The following DCPS variants were observed in gnomAD, a reference collection of about 807,000 sequenced individuals.
DCPS encodes the protein m7GpppX diphosphatase.
Under a neutral mutation model 34.7 loss-of-function variants are expected in DCPS, and 27 were observed. The ratio of observed to expected loss-of-function variants is 0.78; its 90% CI spans 0.57 to 1.07. The LOEUF is 1.07. DCPS is among the 50% of genes least tolerant of loss of function. The pLI, the probability that DCPS is intolerant of heterozygous loss-of-function variation, is 0.00. For missense variants in DCPS, 464 were observed against 436.9 expected (o/e 1.06, Z -0.55); for synonymous variants, 185 against 185.7 (o/e 1.00, Z 0.03).
chr11:126,305,413 CTTTTTTTTTTT>C (rs1165260410), intron 1 of DCPS, among the ~76,000 whole-genome samples: 6 of 68,296 alleles, frequency 8.8e-5, no homozygotes, highest in Admixed American at 3.5e-4. Context: ...CCGCACCCGC[CTTTTTTTTTTT>C]TTTTTTTTTT....
rs149165703 is a variant in DCPS, at chr11:126,312,262, C to T, written c.376+5518C>T. Among the ~76,000 whole-genome samples the T allele has an allele frequency of 1.2e-4, 19 of 152,254 alleles. 1 individual carries two copies. In the East Asian group the frequency reaches 3.7e-3, roughly 29 times the overall value. On this transcript the variant is annotated intron_variant, in intron 2 of 5. Coordinates refer to ENST00000263579, the MANE Select transcript of DCPS (RefSeq NM_014026.6). The surrounding 1 kb of genome is among the most constrained non-coding windows in gnomAD (Gnocchi z 5.1). The stretch of plus-strand genomic sequence containing the variant: ...GAAACTTTAAACAATGCTTACCCAT[C>T]CGCTATGGCATACTCTGTAGTATTT...
chr11:126,305,413 CT>C (rs1165260410), intron 1 of DCPS, among the ~76,000 whole-genome samples: 5,916 of 68,186 alleles, frequency 0.087, 48 homozygotes, highest in Non-Finnish European at 0.096. Flanking sequence ...CCGCACCCGC[CT>C]TTTTTTTTTT....
At chr11:126,326,878 A>G (rs927017849) in intron 2 of DCPS, among the ~76,000 whole-genome samples, 1 of 151,790 alleles carries the variant, frequency 6.6e-6, no homozygotes, top group Non-Finnish European at 1.5e-5. Context: ...AGCCGAGATC[A>G]CGCCACTGCA....
rs1482956249 is a variant in DCPS, at chr11:126,329,107, A to G, written c.377-2298A>G. The stretch of plus-strand genomic sequence containing the variant: ...TGCAAGGGCCAAGGTGGTGCCGTTC[A>G]GTCTACTTCAAGCAGTCTCCCGCCT... On this transcript the variant is annotated intron_variant, in intron 2 of 5. Coordinates refer to ENST00000263579, the MANE Select transcript of DCPS (RefSeq NM_014026.6). The surrounding 1 kb of genome is among the most constrained non-coding windows in gnomAD (Gnocchi z 5.0). Among the ~76,000 whole-genome samples, 1 of 152,134 alleles carries G rather than the reference A, an allele frequency of 6.6e-6. No individual in the cohort carries two copies. The highest frequency in any genetic ancestry group is 1.5e-5 in the Non-Finnish European group (1 of 68,024).
rs988477308 is a variant in DCPS at position 126,320,140 on chromosome 11, G to C, written c.377-11265G>C. Among the ~76,000 whole-genome samples, 7 of 151,852 alleles carry C rather than the reference G, an allele frequency of 4.6e-5. No individual in the cohort carries two copies. The highest frequency in any genetic ancestry group is 1.5e-4 in the African/African-American group (6 of 41,326). Reference sequence around the variant, plus strand: ...GACCTCAAGTGATCCACCTGCCTCAGCCTCTCAAAGTGCTGGGATTACAGG... The same window carrying C: ...GACCTCAAGTGATCCACCTGCCTCACCCTCTCAAAGTGCTGGGATTACAGG... On this transcript the variant is annotated intron_variant, in intron 2 of 5. Transcript: ENST00000263579. The surrounding 1 kb of genome is among the most constrained non-coding windows in gnomAD (Gnocchi z 4.7).
chr11:126,316,894 G>T (rs958814608), intron 2 of DCPS, among the ~76,000 whole-genome samples: 4 of 148,890 alleles, frequency 2.7e-5, no homozygotes, highest in African/African-American at 9.9e-5. Context: ...GACCTCAGGT[G>T]ATCTGCCCAC....
chr11:126,309,024 C>CCTTTTTTTTTTTTTTTTTT (rs1457988895), intron 2 of DCPS, among the ~76,000 whole-genome samples: 1 of 138,404 alleles, frequency 7.2e-6, no homozygotes, highest in Non-Finnish European at 1.6e-5. Context: ...TTTCCTGCCC[C>CCTTTTTTTTTTTTTTTTTT]TTTTTTTTTT....
At chr11:126,317,960 C>T (rs1391727369) in intron 2 of DCPS, among the ~76,000 whole-genome samples, 1 of 152,180 alleles carries the variant, frequency 6.6e-6, no homozygotes, top group Non-Finnish European at 1.5e-5. Context: ...AGGGCCTCTC[C>T]TGCCACCCCA....
Position 126,342,716 on chromosome 11 carries a change from G to A in DCPS, c.637-591G>A, listed in dbSNP as rs1046863397. On this transcript the variant is annotated intron_variant, in intron 4 of 5. Coordinates refer to ENST00000263579, the MANE Select transcript of DCPS (RefSeq NM_014026.6). The surrounding 1 kb of genome is among the most constrained non-coding windows in gnomAD (Gnocchi z 4.4). Reference sequence around the variant, plus strand: ...TGCGATAAGACTGTAAACTCTCGGAGGGAGAGAGTTGCCCTTGCTCTTTCT... The same window carrying A: ...TGCGATAAGACTGTAAACTCTCGGAAGGAGAGAGTTGCCCTTGCTCTTTCT... Among the ~76,000 whole-genome samples, 1 of 152,144 alleles carries A rather than the reference G, an allele frequency of 6.6e-6. No individual in the cohort carries two copies. Among genetic ancestry groups the A allele is most frequent in the Non-Finnish European group, 1.5e-5 (1 of 68,028 alleles).
rs772248733 is a variant in DCPS at position 126,338,437 on chromosome 11, AC to A, written c.636+41del. ...GGCTGGAATGTCCTGATCTCTGGCC[AC>A]CCTGCTGTAAGTGCTGGTCCTTCTG... On this transcript the variant is annotated intron_variant, in intron 4 of 5. Coordinates refer to ENST00000263579, the MANE Select transcript of DCPS (RefSeq NM_014026.6). This position sits in a 1 kb window ranked among gnomAD's most constrained non-coding sequence, Gnocchi z 5.4. The A allele has an allele frequency of 1.9e-6, 3 of 1,585,266 alleles. No individual in the cohort carries two copies. Among genetic ancestry groups the A allele is most frequent in the Admixed American group, 3.3e-5 (2 of 59,894 alleles).
rs1268745873 is a variant in DCPS at position 126,323,758 on chromosome 11, C to G, written c.377-7647C>G. 6.6e-6 allele frequency among the ~76,000 whole-genome samples: 1 copy of G among 151,748 alleles called. No individual in the cohort carries two copies. The highest frequency in any genetic ancestry group is 6.6e-5 in the Admixed American group (1 of 15,234). On this transcript the variant is annotated intron_variant, in intron 2 of 5. Transcript: ENST00000263579. This position sits in a 1 kb window ranked among gnomAD's most constrained non-coding sequence, Gnocchi z 4.4. Reference sequence around the variant, plus strand: ...TTTGCCATGTTGCCCAGGCTGGTCTCGAACTCCTGGGCTCAGGTGATCCAA... The same window carrying G: ...TTTGCCATGTTGCCCAGGCTGGTCTGGAACTCCTGGGCTCAGGTGATCCAA...
Position 126,332,670 on chromosome 11 carries a change from A to G in DCPS, c.522+1120A>G, listed in dbSNP as rs1426417567. Among the ~76,000 whole-genome samples, 1 of 151,978 alleles carries G rather than the reference A, an allele frequency of 6.6e-6. No homozygotes were observed. The highest frequency in any genetic ancestry group is 1.5e-5 in the Non-Finnish European group (1 of 67,976). ...TGCAGGAATGAAGTTTCCTTGGGAG[A>G]CCTGTGTGCCGCCAGCCCCCTTCCC... On this transcript the variant is annotated intron_variant, in intron 3 of 5. Coordinates refer to ENST00000263579, the MANE Select transcript of DCPS (RefSeq NM_014026.6). This position sits in a 1 kb window ranked among gnomAD's most constrained non-coding sequence, Gnocchi z 5.4.
intron 2 of DCPS, among the ~76,000 whole-genome samples, chr11:126,330,390 T>TA (rs1383295902): frequency 6.6e-6 from 1 of 152,202 alleles, no homozygotes; most frequent in East Asian, 1.9e-4. Context: ...TCACAGCACT[T>TA]ATGTGGTGTT....
Position 126,335,883 on chromosome 11 carries a change from C to T in DCPS, c.523-2403C>T, listed in dbSNP as rs1481214447. The stretch of plus-strand genomic sequence containing the variant: ...GAGGTTGCAGTGAGCTGAGATCACG[C>T]CATTGCATTCCAGCCAAGTGTGAAA... On this transcript the variant is annotated intron_variant, in intron 3 of 5. Coordinates refer to ENST00000263579, the MANE Select transcript of DCPS (RefSeq NM_014026.6). This position sits in a 1 kb window ranked among gnomAD's most constrained non-coding sequence, Gnocchi z 4.8. Among the ~76,000 whole-genome samples the T allele has an allele frequency of 6.6e-6, 1 of 152,058 alleles. No individual in the cohort carries two copies. Among genetic ancestry groups the T allele is most frequent in the Non-Finnish European group, 1.5e-5 (1 of 68,012 alleles).
rs1018746799 is a variant in DCPS at position 126,344,333 on chromosome 11, G to C, written c.747+916G>C. On this transcript the variant is annotated intron_variant, in intron 5 of 5. Transcript: ENST00000263579. This position sits in a 1 kb window ranked among gnomAD's most constrained non-coding sequence, Gnocchi z 8.1. ...CCTTGGCTGCCTTTATCTTTGTGGG[G>C]TGACTTGTTCAGATCCTGAAGCAGT... Among the ~76,000 whole-genome samples the C allele has an allele frequency of 6.6e-6, 1 of 152,200 alleles. No individual in the cohort carries two copies. Among genetic ancestry groups the C allele is most frequent in the Non-Finnish European group, 1.5e-5 (1 of 68,036 alleles).
chr11:126,324,023 G>A (rs1052292748), intron 2 of DCPS, among the ~76,000 whole-genome samples: 3 of 151,978 alleles, frequency 2.0e-5, no homozygotes, highest in Admixed American at 2.0e-4. Flanking sequence ...GTAGAGATGG[G>A]GTTTCACCAT....
intron 2 of DCPS, among the ~76,000 whole-genome samples, chr11:126,324,948 C>T (rs1032378076): frequency 7.2e-5 from 11 of 152,006 alleles, no homozygotes; most frequent in African/African-American, 9.7e-5. Flanking sequence ...TTTGGGAGGC[C>T]GAAGCGGGTG....
chr11:126,304,337 T>C lies in DCPS; in HGVS notation c.201+56T>C. 18 of 1,577,334 alleles carry C rather than the reference T, an allele frequency of 1.1e-5. No homozygotes were observed. The South Asian group carries it at 2.1e-4, about 19-fold the overall frequency. ...GGGAAGCAGTGAACCAATCATCGCCTCGGAGGCAGATTTTTTTTTTTCGGA... is the reference window on the plus strand; with the variant it reads ...GGGAAGCAGTGAACCAATCATCGCCCCGGAGGCAGATTTTTTTTTTTCGGA... On this transcript the variant is annotated intron_variant, in intron 1 of 5. Coordinates refer to ENST00000263579, the MANE Select transcript of DCPS (RefSeq NM_014026.6).
rs1385212077 is a variant in DCPS, at chr11:126,325,408, C to T, written c.377-5997C>T. Among the ~76,000 whole-genome samples, 8 of 152,066 alleles carry T rather than the reference C, an allele frequency of 5.3e-5. No homozygotes were observed. The highest frequency in any genetic ancestry group is 1.9e-4 in the African/African-American group (8 of 41,416). ...ATCTGTGTATATGTGTGTGTTTGTGCATGTGTGTGCATTTGGTGAAGGGAT... is the reference window on the plus strand; with the variant it reads ...ATCTGTGTATATGTGTGTGTTTGTGTATGTGTGTGCATTTGGTGAAGGGAT... On this transcript the variant is annotated intron_variant, in intron 2 of 5. Coordinates refer to ENST00000263579, the MANE Select transcript of DCPS (RefSeq NM_014026.6). The surrounding 1 kb of genome is among the most constrained non-coding windows in gnomAD (Gnocchi z 4.3).
Sources: allele counts gnomAD v4.1 joint callset (sites outside exome capture counted in the v4.1 genomes callset), GRCh38; gene constraint gnomAD v4.1.1; non-coding constraint Gnocchi (gnomAD v3.1); transcripts MANE v1.5; gene names NCBI Gene and HGNC (gene_info 2026-07-23, HGNC 2026-07-21).